Variants in FBXL20 observed in about 807,000 individuals in gnomAD.
FBXL20 encodes the protein F-box/LRR-repeat protein 20.
FBXL20 carries 11 observed loss-of-function variants against 64.0 expected under a neutral mutation model. The observed-to-expected ratio is 0.17, with a 90% CI of 0.11 to 0.28. The LOEUF (loss-of-function observed/expected upper bound fraction) is 0.28. Ranked by LOEUF, FBXL20 falls within the 10% of genes least tolerant of loss-of-function variation. The pLI is 1.00. For missense variants in FBXL20, 303 were observed against 526.2 expected (o/e 0.58, Z 4.15); for synonymous variants, 184 against 189.0 (o/e 0.97, Z 0.22).
chr17:39,384,342 C>T (rs930050411), intron 1 of FBXL20, among the ~76,000 whole-genome samples: 6 of 152,038 alleles, frequency 3.9e-5, no homozygotes, highest in South Asian at 2.1e-4. Flanking sequence ...CTGGCCAATA[C>T]GGTGAAACCC....
chr17:39,398,995 T>A (rs569717129), intron 1 of FBXL20, among the ~76,000 whole-genome samples: 239 of 152,148 alleles, frequency 1.6e-3, no homozygotes, highest in Non-Finnish European at 2.5e-3. Context: ...ATTAAAAAAA[T>A]TTTTTTTCTA....
chr17:39,387,107 T>C lies in FBXL20; in HGVS notation c.42+14254A>G, dbSNP rs529358231. ...GCAATGAGTACACGCACAACCATTC[T>C]GGTTTTCACTTTCAGTAGTCATTAA... On this transcript the variant is annotated intron_variant, in intron 1 of 14. Coordinates refer to ENST00000264658, the MANE Select transcript of FBXL20 (RefSeq NM_032875.3). 7.2e-5 allele frequency among the ~76,000 whole-genome samples: 11 copies of C among 152,318 alleles called. No individual in the cohort carries two copies. The East Asian group carries it at 1.5e-3, about 21-fold the overall frequency.
intron 6 of FBXL20, among the ~76,000 whole-genome samples, chr17:39,289,998 CA>C (rs368530587): frequency 0.02 from 819 of 41,742 alleles, 1 homozygote; most frequent in South Asian, 0.064. Flanking sequence ...GACTCAGTCT[CA>C]AAAAAAAAAA....
intron 2 of FBXL20, among the ~76,000 whole-genome samples, chr17:39,317,124 G>A (rs984105891): frequency 1.3e-5 from 2 of 152,134 alleles, no homozygotes; most frequent in Non-Finnish European, 2.9e-5. Flanking sequence ...TATATGAATT[G>A]AATCCAAACA....
intron 1 of FBXL20, among the ~76,000 whole-genome samples, chr17:39,378,835 T>G (rs1372535905): frequency 6.6e-6 from 1 of 151,456 alleles, no homozygotes. Context: ...GGTCTCGAAC[T>G]CCTGACCTCA....
chr17:39,313,715 AACCTCT>A (rs903024149), intron 2 of FBXL20, among the ~76,000 whole-genome samples: 4 of 152,008 alleles, frequency 2.6e-5, no homozygotes, highest in African/African-American at 9.7e-5. Flanking sequence ...GGCTCACAGC[AACCTCT>A]ACCTCCTGGG....
chr17:39,318,391 C>G (rs2047317489), intron 2 of FBXL20, among the ~76,000 whole-genome samples: 1 of 152,164 alleles, frequency 6.6e-6, no homozygotes, highest in Admixed American at 6.6e-5. Flanking sequence ...AGCCCTTAAC[C>G]TTAAAAGTGT....
At chr17:39,397,842 A>G (rs1333392557) in intron 1 of FBXL20, among the ~76,000 whole-genome samples, 2 of 150,382 alleles carry the variant, frequency 1.3e-5, no homozygotes, top group African/African-American at 5.0e-5. Flanking sequence ...AAAAAGCAGG[A>G]TGACAGTGGA....
rs1206057139 is a variant in FBXL20 at position 39,256,662 on chromosome 17, A to G, written c.*4798T>C. ...AGCCTACCCTTAAATCATACACATA[A>G]GGAGGAATAAGGCAAAATAGAGCAA... On this transcript the variant is annotated 3_prime_UTR_variant, in exon 15 of 15. Coordinates refer to ENST00000264658, the MANE Select transcript of FBXL20 (RefSeq NM_032875.3). 1 of 152,222 alleles carries G rather than the reference A, an allele frequency of 6.6e-6. No homozygotes were observed. Among genetic ancestry groups the G allele is most frequent in the Admixed American group, 6.5e-5 (1 of 15,288 alleles). The allele number at this position is 152,222 out of a possible 1,614,324, so 9.4% of individuals were successfully genotyped here. A position where few individuals can be genotyped will look rare whatever the true frequency, so the allele number is the denominator to read the frequency against.
Position 39,333,490 on chromosome 17 carries a change from C to T in FBXL20, c.104+9690G>A, listed in dbSNP as rs929606814. On this transcript the variant is annotated intron_variant, in intron 2 of 14. Coordinates refer to ENST00000264658, the MANE Select transcript of FBXL20 (RefSeq NM_032875.3). ...GGAGCGCAGTGGCGTGATCTCGGCTCGCTACAACCTCCACCTCCCAGCCGC... is the reference window on the plus strand; with the variant it reads ...GGAGCGCAGTGGCGTGATCTCGGCTTGCTACAACCTCCACCTCCCAGCCGC... Among the ~76,000 whole-genome samples, 25 of 152,202 alleles carry T rather than the reference C, an allele frequency of 1.6e-4. 1 individual carries two copies. The highest frequency in any genetic ancestry group is 1.6e-3 in the Admixed American group (24 of 15,282).
At position 39,337,966 on chromosome 17, in the gene FBXL20, G is replaced by A. The variant is rs1214139228; in HGVS notation, c.104+5214C>T. On this transcript the variant is annotated intron_variant, in intron 2 of 14. Coordinates refer to ENST00000264658, the MANE Select transcript of FBXL20 (RefSeq NM_032875.3). ...CTGCCCCGTCCGGGAGGTGAGGGGC[G>A]CCTCTGCCCGGCCGCCCCTACTGGG... 1.1e-4 allele frequency among the ~76,000 whole-genome samples: 16 copies of A among 150,902 alleles called. No homozygotes were observed. The East Asian group carries it at 2.6e-3, about 25-fold the overall frequency.
intron 12 of FBXL20, among the ~76,000 whole-genome samples, chr17:39,268,227 C>T (rs2046809595): frequency 6.6e-6 from 1 of 152,094 alleles, no homozygotes; most frequent in Non-Finnish European, 1.5e-5. Flanking sequence ...GTGGCGCATG[C>T]CTGTAATCCC....
rs1163847069 is a variant in FBXL20 at position 39,355,406 on chromosome 17, T to C, written c.43-12165A>G. Among the ~76,000 whole-genome samples, 5 of 152,316 alleles carry C rather than the reference T, an allele frequency of 3.3e-5. No individual in the cohort carries two copies. The East Asian group carries it at 7.7e-4, about 23-fold the overall frequency. On this transcript the variant is annotated intron_variant, in intron 1 of 14. Transcript: ENST00000264658. ...TTCATATATTTTAAATAGCCCTTTA[T>C]ATAAATGATTTGATTATTTGATTTG... is the stretch of plus-strand genomic sequence containing the variant.
chr17:39,312,778 G>T (rs2047247526), intron 2 of FBXL20, among the ~76,000 whole-genome samples: 1 of 149,288 alleles, frequency 6.7e-6, no homozygotes, highest in Non-Finnish European at 1.5e-5. Context: ...GGGTTTCAAT[G>T]TGTTAGCCAG....
Position 39,299,102 on chromosome 17 carries a change from C to T in FBXL20, c.235-18G>A. 1.3e-6 allele frequency: 2 copies of T among 1,555,854 alleles called. 1 individual carries two copies. Among genetic ancestry groups the T allele is most frequent in the Middle Eastern group, 3.4e-4 (2 of 5,918 alleles). ...ACTCGGCCCTGTAAAATGAGACAGG[C>T]AAACAAAAAGATAACCCACCTCATT... On this transcript the variant is annotated intron_variant, in intron 4 of 14. Transcript: ENST00000264658.
chr17:39,398,881 G>A (rs142222624), intron 1 of FBXL20, among the ~76,000 whole-genome samples: 1,631 of 152,122 alleles, frequency 0.011, 27 homozygotes, highest in African/African-American at 0.037. Flanking sequence ...CACCAGGTTG[G>A]TCAGGCTGGT....
chr17:39,351,936 T>C (rs2047691034), intron 1 of FBXL20, among the ~76,000 whole-genome samples: 1 of 152,238 alleles, frequency 6.6e-6, no homozygotes, highest in African/African-American at 2.4e-5. Flanking sequence ...TATAATTGTT[T>C]TTCTATAACG....
intron 6 of FBXL20, 29 bp downstream of exon 6, chr17:39,297,098 C>G: frequency 6.4e-7 from 1 of 1,555,530 alleles, no homozygotes; most frequent in South Asian, 1.1e-5. Context: ...GGGGTTATGA[C>G]TTATCCTCCA....
chr17:39,401,894 T>G, upstream of FBXL20: 1 of 402,170 alleles, frequency 2.5e-6, no homozygotes, highest in African/African-American at 2.1e-5. Context: ...GGCAGGGAAG[T>G]GCCTGTGCGT....
Sources: gnomAD v4.1 joint callset for allele counts (sites outside exome capture counted in the v4.1 genomes callset) on GRCh38, gnomAD v4.1.1 for gene constraint, MANE v1.5 for transcripts, NCBI Gene and HGNC (gene_info 2026-07-23, HGNC 2026-07-21) for gene names.